Variants in NRCAM observed in about 807,000 individuals in gnomAD.
The protein encoded by NRCAM is NgCAM-related cell adhesion molecule.
NRCAM carries 83 observed loss-of-function variants against 156.5 expected under a neutral mutation model. That is an observed-to-expected ratio of 0.53 (90% CI 0.44 to 0.64). The LOEUF is 0.64. Among genes scored for constraint, NRCAM ranks in the 30% least tolerant of loss-of-function variants. The probability of loss-of-function intolerance (pLI) is 0.00; values close to 1 mark genes in which losing one functional copy is unlikely to be tolerated. For missense variants in NRCAM, 1,417 were observed against 1,597.3 expected, an observed-to-expected ratio of 0.89 and a Z score of 1.92; for synonymous variants, 538 against 563.9, an observed-to-expected ratio of 0.95 and a Z score of 0.65.
chr7:108,205,668 A>G (rs1588163976), intron 13 of NRCAM, among the ~76,000 whole-genome samples: 1 of 152,190 alleles, frequency 6.6e-6, no homozygotes, highest in Non-Finnish European at 1.5e-5. Flanking sequence ...GCTGCAAAAC[A>G]TGGTGCAAAA....
At chr7:108,198,915 T>C (rs1407723443) in intron 13 of NRCAM, among the ~76,000 whole-genome samples, 1 of 152,220 alleles carries the variant, frequency 6.6e-6, no homozygotes, top group Non-Finnish European at 1.5e-5. Context: ...ACACAGTATG[T>C]GAGGATTTAG....
intron 13 of NRCAM, 87 bp downstream of exon 13, chr7:108,207,440 GT>G: frequency 7.2e-7 from 1 of 1,387,742 alleles, no homozygotes; most frequent in Non-Finnish European, 9.8e-7. Flanking sequence ...CTTAACCTGA[GT>G]TATTTTTTTA....
chr7:108,154,591 G>T (rs2043822512), intron 32 of NRCAM, among the ~76,000 whole-genome samples: 1 of 152,154 alleles, frequency 6.6e-6, no homozygotes, highest in Admixed American at 6.5e-5. Flanking sequence ...AGAGAAGGAA[G>T]TGGGATTCTC....
intron 2 of NRCAM, among the ~76,000 whole-genome samples, chr7:108,351,494 A>G (rs1249757586): frequency 1.3e-5 from 2 of 152,228 alleles, no homozygotes; most frequent in Admixed American, 1.3e-4. Context: ...CAACACTGGT[A>G]GATGCAAGAA....
intron 1 of NRCAM, among the ~76,000 whole-genome samples, chr7:108,447,868 A>G (rs749461405): frequency 1.3e-5 from 2 of 152,232 alleles, no homozygotes; most frequent in East Asian, 1.9e-4. Context: ...ATTGAGTGCT[A>G]TGAAGTGGAG....
intron 3 of NRCAM, among the ~76,000 whole-genome samples, chr7:108,264,081 G>T (rs116382713): frequency 0.016 from 2,415 of 152,170 alleles, 61 homozygotes; most frequent in African/African-American, 0.056. Flanking sequence ...GAGTTCAAGC[G>T]ATTCTCCTGC....
chr7:108,155,561 C>T (rs1395161697), intron 32 of NRCAM, among the ~76,000 whole-genome samples: 1 of 152,088 alleles, frequency 6.6e-6, no homozygotes, highest in Non-Finnish European at 1.5e-5. Flanking sequence ...GCTTTACCTT[C>T]CTGCTTCTGT....
intron 1 of NRCAM, among the ~76,000 whole-genome samples, chr7:108,399,898 G>GA (rs150654121): frequency 2.6e-5 from 4 of 151,778 alleles, no homozygotes; most frequent in East Asian, 3.9e-4. Flanking sequence ...AAATCAAAAA[G>GA]AAAAAAAAGG....
At chr7:108,176,398 A>AAT (rs2060519505) in intron 27 of NRCAM, 32 bp downstream of exon 27, 2 of 1,576,322 alleles carry the variant, frequency 1.3e-6, no homozygotes, top group Non-Finnish European at 1.7e-6. Context: ...TGATGCTTAT[A>AAT]ATTATATGGA....
At chr7:108,153,203 C>T (rs142194206) in intron 32 of NRCAM, among the ~76,000 whole-genome samples, 43 of 152,194 alleles carry the variant, frequency 2.8e-4, no homozygotes, top group African/African-American at 1.0e-3. Context: ...CCCAAACAAA[C>T]CATGACCAAA....
At chr7:108,266,142 A>C (rs2097095015) in intron 3 of NRCAM, among the ~76,000 whole-genome samples, 1 of 152,184 alleles carries the variant, frequency 6.6e-6, no homozygotes, top group African/African-American at 2.4e-5. Flanking sequence ...TGTTCTTTGT[A>C]AGCTTTCCCT....
intron 2 of NRCAM, among the ~76,000 whole-genome samples, chr7:108,397,676 T>C (rs1469791313): frequency 6.6e-6 from 1 of 152,202 alleles, no homozygotes; most frequent in Non-Finnish European, 1.5e-5. Context: ...CAAAAAATCA[T>C]GATTGATACT....
intron 3 of NRCAM, among the ~76,000 whole-genome samples, chr7:108,303,953 C>T (rs992578096): frequency 1.3e-5 from 2 of 152,250 alleles, no homozygotes; most frequent in African/African-American, 4.8e-5. Flanking sequence ...GCTGTATACA[C>T]TCCATGTACA....
At chr7:108,215,725 C>T (rs2088038142) in intron 11 of NRCAM, among the ~76,000 whole-genome samples, 1 of 117,828 alleles carries the variant, frequency 8.5e-6, no homozygotes, top group African/African-American at 3.3e-5. Context: ...CAACTGCAAC[C>T]CCTGCCTTTT....
At position 108,292,079 on chromosome 7, in the gene NRCAM, T is replaced by C. The variant is rs541732659; in HGVS notation, c.-107+20586A>G. Among the ~76,000 whole-genome samples the C allele has an allele frequency of 3.9e-5, 6 of 152,330 alleles. No homozygotes were observed. The South Asian group carries it at 6.2e-4, about 16-fold the overall frequency. ...GGAAATATACACCCAGTTTTGCAGA[T>C]CACTTCATTTTTCTTTTAGCCAGAA... On this transcript the variant is annotated intron_variant, in intron 3 of 32. Transcript: ENST00000379028.
At chr7:108,243,163 C>T (rs1415275086) in intron 3 of NRCAM, 4 of 152,128 alleles carry the variant, frequency 2.6e-5, no homozygotes, top group Admixed American at 1.3e-4. Context: ...AGCCACAAAT[C>T]GTCTCTAGTG....
At chr7:108,389,591 T>C (rs568098967) in intron 2 of NRCAM, among the ~76,000 whole-genome samples, 26 of 152,328 alleles carry the variant, frequency 1.7e-4, no homozygotes, top group African/African-American at 6.3e-4. Flanking sequence ...TCCAACACTA[T>C]GTTGAATAGG....
At chr7:108,451,403 G>A (rs771203006) in intron 1 of NRCAM, among the ~76,000 whole-genome samples, 1 of 143,136 alleles carries the variant, frequency 7.0e-6, no homozygotes, top group Middle Eastern at 3.2e-3. Flanking sequence ...AGAGTATAAC[G>A]ATGTCTCAAA....
intron 28 of NRCAM, among the ~76,000 whole-genome samples, chr7:108,168,895 C>T (rs570609630): frequency 3.9e-5 from 6 of 152,212 alleles, no homozygotes; most frequent in South Asian, 2.1e-4. Flanking sequence ...CTTTGAACAG[C>T]GTTTTTGATC....
Sources: gnomAD v4.1 joint callset for allele counts (sites outside exome capture counted in the v4.1 genomes callset) on GRCh38, gnomAD v4.1.1 for gene constraint, MANE v1.5 for transcripts, NCBI Gene and HGNC (gene_info 2026-07-23, HGNC 2026-07-21) for gene names.